Variants in ABCC4 observed in about 807,000 individuals in gnomAD.
ABCC4 encodes ATP-binding cassette sub-family C member 4.
Under a neutral mutation model 168.5 loss-of-function variants are expected in ABCC4, and 102 were observed. The ratio of observed to expected loss-of-function variants is 0.61; its 90% CI spans 0.52 to 0.71. ABCC4 has a LOEUF of 0.71. Among genes scored for constraint, ABCC4 ranks in the 30% least tolerant of loss-of-function variants. The probability of loss-of-function intolerance (pLI) is 0.00; values close to 1 mark genes in which losing one functional copy is unlikely to be tolerated. For missense variants in ABCC4, 1,402 were observed against 1,605.8 expected, an observed-to-expected ratio of 0.87 and a Z score of 2.17; for synonymous variants, 617 against 590.7, an observed-to-expected ratio of 1.04 and a Z score of -0.65.
chr13:95,023,557 C>A (rs2031218139), intron 30 of ABCC4, among the ~76,000 whole-genome samples: 1 of 152,216 alleles, frequency 6.6e-6, no homozygotes, highest in South Asian at 2.1e-4. Context: ...TACCTAACCA[C>A]TCTCTCTACC....
At chr13:95,211,816 C>T (rs2038964939) in intron 4 of ABCC4, among the ~76,000 whole-genome samples, 1 of 151,868 alleles carries the variant, frequency 6.6e-6, no homozygotes, top group South Asian at 2.1e-4. Flanking sequence ...AGGCAAAAGG[C>T]AACAAGACTG....
chr13:95,229,424 A>G (rs61180006), intron 4 of ABCC4, among the ~76,000 whole-genome samples: 1,551 of 152,284 alleles, frequency 0.01, 32 homozygotes, highest in East Asian at 0.084. Context: ...AACTTTCTCA[A>G]TTCTGCAAAA....
At chr13:95,296,842 G>A (rs931815536) in intron 1 of ABCC4, among the ~76,000 whole-genome samples, 2 of 152,118 alleles carry the variant, frequency 1.3e-5, no homozygotes, top group Admixed American at 6.6e-5. Context: ...TTCCACTAAC[G>A]GGAAAGAGGA....
At chr13:95,174,511 C>T (rs952479993) in intron 13 of ABCC4, among the ~76,000 whole-genome samples, 4 of 152,166 alleles carry the variant, frequency 2.6e-5, no homozygotes, top group Non-Finnish European at 4.4e-5. Context: ...TAGCAAACAA[C>T]AATTTTAACA....
chr13:95,301,306 G>T lies in ABCC4; in HGVS notation c.9C>A (p.Pro3=), dbSNP rs748197778. 40 of 1,593,174 alleles carry T rather than the reference G, an allele frequency of 2.5e-5. No individual in the cohort carries two copies. The highest frequency in any genetic ancestry group is 1.7e-5 in the Admixed American group (1 of 57,808). Residue 3 remains proline, a synonymous_variant, in exon 1 of 31, where the codon CCC becomes CCA. Transcript: ENST00000645237. ML[P]VYQEVKPNPL... is the part of the protein sequence containing the mutation. Reference sequence around the variant, plus strand: ...GGTTGGGCTTCACCTCCTGGTACACGGGCAGCATCTTGCCGGGCGGGGCGG... The same window carrying T: ...GGTTGGGCTTCACCTCCTGGTACACTGGCAGCATCTTGCCGGGCGGGGCGG...
chr13:95,262,982 T>C (rs530925581), intron 1 of ABCC4, among the ~76,000 whole-genome samples: 1 of 152,264 alleles, frequency 6.6e-6, no homozygotes, highest in African/African-American at 2.4e-5. Context: ...ACAACTGTCC[T>C]TCTTGTGGGC....
chr13:95,159,129 A>ATATATG (rs2036995606), intron 19 of ABCC4, among the ~76,000 whole-genome samples: 3 of 129,532 alleles, frequency 2.3e-5, no homozygotes, highest in African/African-American at 9.0e-5. Context: ...ATATATATAT[A>ATATATG]TATAACTATT....
chr13:95,215,846 A>C (rs186248061), intron 4 of ABCC4, among the ~76,000 whole-genome samples: 2 of 152,350 alleles, frequency 1.3e-5, no homozygotes, highest in East Asian at 3.9e-4. Context: ...TTTTGGCTTT[A>C]AGGACTTTGC....
At chr13:95,272,997 A>G (rs56891151) in intron 1 of ABCC4, among the ~76,000 whole-genome samples, 1,924 of 152,320 alleles carry the variant, frequency 0.013, 35 homozygotes, top group African/African-American at 0.043. Context: ...CAGGACCCCA[A>G]TGACTTTATA....
At chr13:95,078,222 T>C (rs889362942) in intron 21 of ABCC4, among the ~76,000 whole-genome samples, 3 of 152,056 alleles carry the variant, frequency 2.0e-5, no homozygotes, top group African/African-American at 4.8e-5. Flanking sequence ...CTCTATTCTC[T>C]ATCTCTGGCA....
chr13:95,215,164 T>C (rs1477505404), intron 4 of ABCC4, among the ~76,000 whole-genome samples: 3 of 152,180 alleles, frequency 2.0e-5, no homozygotes, highest in African/African-American at 4.8e-5. Context: ...CTCATGCCTG[T>C]TATCCCAACA....
intron 25 of ABCC4, among the ~76,000 whole-genome samples, chr13:95,065,653 C>T (rs1215886719): frequency 6.6e-6 from 1 of 152,080 alleles, no homozygotes; most frequent in African/African-American, 2.4e-5. Context: ...TGCAAGCAAT[C>T]TTAATTGGTT....
intron 20 of ABCC4, among the ~76,000 whole-genome samples, chr13:95,092,125 T>C (rs2034454388): frequency 6.6e-6 from 1 of 152,168 alleles, no homozygotes; most frequent in Non-Finnish European, 1.5e-5. Flanking sequence ...GTCCTAAACA[T>C]ATATGCACCC....
intron 25 of ABCC4, among the ~76,000 whole-genome samples, chr13:95,071,266 G>C (rs1017969660): frequency 2.0e-5 from 3 of 152,170 alleles, no homozygotes; most frequent in African/African-American, 7.2e-5. Flanking sequence ...AGGACCAAAG[G>C]ATGGAGGAGG....
rs747812008 is a variant in ABCC4, at chr13:95,083,189, C to T, written c.2637G>A (p.Arg879=). 2 of 1,613,812 alleles carry T rather than the reference C, an allele frequency of 1.2e-6. No individual in the cohort carries two copies. The highest frequency in any genetic ancestry group is 1.7e-6 in the Non-Finnish European group (2 of 1,179,928). Residue 879 remains arginine (R), a synonymous_variant, in exon 21 of 31, where the codon CGG becomes CGA. Coordinates refer to ENST00000645237, the MANE Select transcript of ABCC4 (RefSeq NM_005845.5). ...VPLGIIFIFL[R]RYFLETSRDV... ...CTCTTGACGTTTCCAAAAAATATCGCCGAAGAAAAATGAAAATGATTCCAA... is the reference window on the plus strand; with the variant it reads ...CTCTTGACGTTTCCAAAAAATATCGTCGAAGAAAAATGAAAATGATTCCAA...
chr13:95,275,849 T>C (rs1173014533), intron 1 of ABCC4, among the ~76,000 whole-genome samples: 2 of 152,112 alleles, frequency 1.3e-5, no homozygotes, highest in Non-Finnish European at 2.9e-5. Flanking sequence ...AGAGTTAAAG[T>C]GGGTACGCTA....
chr13:95,056,176 T>C (rs1376829730), intron 26 of ABCC4, among the ~76,000 whole-genome samples: 1 of 152,092 alleles, frequency 6.6e-6, no homozygotes, highest in Non-Finnish European at 1.5e-5. Context: ...CCTAATCTTG[T>C]CCCAAACCAG....
In ABCC4 at chr13:95,210,867, G is replaced by A. The variant is rs557552454; in HGVS notation, c.532-86C>T. On this transcript the variant is annotated intron_variant, in intron 4 of 30. Transcript: ENST00000645237. ...GACACAGCAGACCTGAGGAAGTCTC[G>A]TGTGATGTCAAGACCAGATCTAAGC... 40 of 983,530 alleles carry A rather than the reference G, an allele frequency of 4.1e-5. No homozygotes were observed. In the Middle Eastern group the frequency reaches 6.5e-4, roughly 16 times the overall value. The allele number at this position is 983,530 out of a possible 1,614,324, so 60.9% of individuals were successfully genotyped here. A position where few individuals can be genotyped will look rare whatever the true frequency, so the allele number is the denominator to read the frequency against.
chr13:95,083,948 A>T (rs905687317), intron 20 of ABCC4, among the ~76,000 whole-genome samples: 1 of 152,178 alleles, frequency 6.6e-6, no homozygotes, highest in Non-Finnish European at 1.5e-5. Flanking sequence ...GAGTCAGTTG[A>T]TGTTATGCGG....
Sources: gnomAD v4.1 joint callset for allele counts (sites outside exome capture counted in the v4.1 genomes callset) on GRCh38, gnomAD v4.1.1 for gene constraint, MANE v1.5 for transcripts, NCBI Gene and HGNC (gene_info 2026-07-23, HGNC 2026-07-21) for gene names.